Variants in MYO16 observed in about 807,000 individuals in gnomAD.
The protein encoded by MYO16 is myosin XVI.
MYO16 carries 94 observed loss-of-function variants against 205.3 expected under a neutral mutation model. The ratio of observed to expected loss-of-function variants is 0.46; its 90% CI spans 0.39 to 0.54. The LOEUF (loss-of-function observed/expected upper bound fraction) is 0.54, where lower values mean the gene tolerates loss of function less well. MYO16 is among the 20% of genes least tolerant of loss of function. The pLI is 0.00. For synonymous variants in MYO16, 988 were observed against 954.0 expected (o/e 1.04, Z -0.66); for missense variants, 2,315 against 2,387.5 (o/e 0.97, Z 0.63).
At chr13:108,547,629 C>A in the MYO16 span, among the ~76,000 whole-genome samples, 1 of 152,162 alleles carries the variant, frequency 6.6e-6, no homozygotes, top group African/African-American at 2.4e-5. Context: ...ACATAATGTA[C>A]TATGGCAGTT....
At chr13:108,930,415 A>T (rs1882204812) in intron 16 of MYO16, among the ~76,000 whole-genome samples, 1 of 152,226 alleles carries the variant, frequency 6.6e-6, no homozygotes, top group Non-Finnish European at 1.5e-5. Flanking sequence ...ATAGAGACAT[A>T]ATTAAAACAG....
chr13:109,054,593 T>C (rs914277707), intron 25 of MYO16, among the ~76,000 whole-genome samples: 1 of 152,062 alleles, frequency 6.6e-6, no homozygotes, highest in Admixed American at 6.6e-5. Context: ...AGGATCTATG[T>C]TTATTTTCAC....
intron 32 of MYO16, among the ~76,000 whole-genome samples, chr13:109,157,295 C>A (rs915851226): frequency 6.9e-6 from 1 of 145,862 alleles, no homozygotes; most frequent in Non-Finnish European, 1.5e-5. Flanking sequence ...CATGCCCTTG[C>A]TCAAAATACT....
At chr13:108,626,982 A>G (rs1334508562), upstream of MYO16, among the ~76,000 whole-genome samples, 5 of 146,158 alleles carry the variant, frequency 3.4e-5, no homozygotes, top group Admixed American at 2.1e-4. Context: ...TATATTATAT[A>G]TATATATGAT....
the MYO16 span, among the ~76,000 whole-genome samples, chr13:108,528,160 A>G: frequency 6.6e-6 from 1 of 152,244 alleles, no homozygotes; most frequent in Non-Finnish European, 1.5e-5. Context: ...TAAGCAATTA[A>G]GTGGGATGAA....
At chr13:108,791,192 T>C (rs1406387209) in intron 5 of MYO16, among the ~76,000 whole-genome samples, 1 of 152,232 alleles carries the variant, frequency 6.6e-6, no homozygotes, top group African/African-American at 2.4e-5. Context: ...AAATGGCATG[T>C]CCATGATTCA....
the MYO16 span, among the ~76,000 whole-genome samples, chr13:108,520,408 A>G: frequency 6.6e-6 from 1 of 152,186 alleles, no homozygotes; most frequent in Non-Finnish European, 1.5e-5. Flanking sequence ...TGTGTGATTA[A>G]AGATATAATC....
chr13:108,593,231 A>G (rs1485487906), upstream of MYO16, among the ~76,000 whole-genome samples: 3 of 152,208 alleles, frequency 2.0e-5, no homozygotes, highest in African/African-American at 7.2e-5. Flanking sequence ...CAGCATTAAA[A>G]TAAACGAAAA....
At chr13:109,106,061 T>C (rs1156800240) in intron 28 of MYO16, among the ~76,000 whole-genome samples, 2 of 152,228 alleles carry the variant, frequency 1.3e-5, no homozygotes, top group East Asian at 3.8e-4. Context: ...TTTATGTAAC[T>C]TGTTTGCAAA....
chr13:109,135,737 T>G (rs561433925), intron 31 of MYO16, among the ~76,000 whole-genome samples: 80 of 152,380 alleles, frequency 5.3e-4, no homozygotes, highest in African/African-American at 1.8e-3. Context: ...AACATTCATT[T>G]AAAAGCTTTG....
At chr13:109,021,281 G>C (rs547121514) in intron 23 of MYO16, among the ~76,000 whole-genome samples, 2 of 152,288 alleles carry the variant, frequency 1.3e-5, no homozygotes, top group East Asian at 3.9e-4. Flanking sequence ...TACTAAGACA[G>C]TTACAGCCTT....
At chr13:108,981,899 G>T (rs1334750114) in intron 20 of MYO16, among the ~76,000 whole-genome samples, 1 of 152,182 alleles carries the variant, frequency 6.6e-6, no homozygotes, top group African/African-American at 2.4e-5. Flanking sequence ...TTTTATGAGT[G>T]ATTTGGGAGA....
the MYO16 span, among the ~76,000 whole-genome samples, chr13:108,549,085 C>G: frequency 5.3e-5 from 8 of 152,238 alleles, no homozygotes; most frequent in South Asian, 1.7e-3. Context: ...TTGTTAGATT[C>G]CCATATGTTG....
At chr13:108,531,857 C>T in the MYO16 span, among the ~76,000 whole-genome samples, 1 of 152,068 alleles carries the variant, frequency 6.6e-6, no homozygotes, top group African/African-American at 2.4e-5. Context: ...AAAGATCAAA[C>T]TAACAGCACA....
intron 9 of MYO16, among the ~76,000 whole-genome samples, chr13:108,837,768 TAGATTTG>T (rs1439655798): frequency 1.3e-5 from 2 of 152,230 alleles, no homozygotes; most frequent in East Asian, 3.9e-4. Flanking sequence ...ATACTGCACT[TAGATTTG>T]AGATATGAAA....
the MYO16 span, among the ~76,000 whole-genome samples, chr13:108,551,055 A>G: frequency 6.6e-6 from 1 of 152,128 alleles, no homozygotes; most frequent in African/African-American, 2.4e-5. Flanking sequence ...CCTCTAATAT[A>G]TCATGTCCTC....
At chr13:109,102,508 GTATA>G (rs66608070) in intron 28 of MYO16, among the ~76,000 whole-genome samples, 32 of 55,584 alleles carry the variant, frequency 5.8e-4, no homozygotes, top group Admixed American at 1.6e-3. Flanking sequence ...GTGTGTGTGT[GTATA>G]TATATATATA....
chr13:108,912,388 G>C (rs889663479), intron 16 of MYO16, among the ~76,000 whole-genome samples: 1 of 152,080 alleles, frequency 6.6e-6, no homozygotes, highest in Non-Finnish European at 1.5e-5. Context: ...AGGGTTTTCT[G>C]TTCCCAAAAT....
Position 108,804,046 on chromosome 13 carries a change from C to T in MYO16, c.742-2633C>T, listed in dbSNP as rs565602344. Among the ~76,000 whole-genome samples the T allele has an allele frequency of 1.2e-4, 18 of 152,282 alleles. No individual in the cohort carries two copies. In the South Asian group the frequency reaches 3.7e-3, roughly 32 times the overall value. On this transcript the variant is annotated intron_variant, in intron 6 of 34. Coordinates refer to ENST00000457511, the MANE Select transcript of MYO16 (RefSeq NM_001198950.3). ...GTGTGTCCACTCTTCTGTGCTATTTCAAATCTGAGTGCTGGAGGCTGCAGA... is the reference window on the plus strand; with the variant it reads ...GTGTGTCCACTCTTCTGTGCTATTTTAAATCTGAGTGCTGGAGGCTGCAGA...
Sources: gnomAD v4.1 joint callset for allele counts (sites outside exome capture counted in the v4.1 genomes callset) on GRCh38, gnomAD v4.1.1 for gene constraint, MANE v1.5 for transcripts, NCBI Gene and HGNC (gene_info 2026-07-23, HGNC 2026-07-21) for gene names.